ARIH1: variants seen among roughly 807,000 people sequenced by gnomAD.
ARIH1 encodes the protein E3 ubiquitin-protein ligase ARIH1.
ARIH1 carries 8 observed loss-of-function variants against 85.0 expected under a neutral mutation model. That is an observed-to-expected ratio of 0.09 (90% CI 0.06 to 0.17). The LOEUF (loss-of-function observed/expected upper bound fraction) is 0.17, where lower values mean the gene tolerates loss of function less well. Among genes scored for constraint, ARIH1 ranks in the 10% least tolerant of loss-of-function variants. The pLI is 1.00. For synonymous variants in ARIH1, 238 were observed against 253.6 expected, an observed-to-expected ratio of 0.94 and a Z score of 0.59; for missense variants, 311 against 718.1, an observed-to-expected ratio of 0.43 and a Z score of 6.48.
intron 1 of ARIH1, among the ~76,000 whole-genome samples, chr15:72,490,150 C>T (rs1230240769): frequency 6.6e-6 from 1 of 151,112 alleles, no homozygotes; most frequent in Non-Finnish European, 1.5e-5. Context: ...ATTGATAGAA[C>T]CAAGGAGTTT....
chr15:72,563,243 G>C, intron 6 of ARIH1, 151 bp from the exon 7 acceptor site: 1 of 596,648 alleles, frequency 1.7e-6, no homozygotes, highest in South Asian at 2.1e-5. Flanking sequence ...TTTTAAGGTA[G>C]AGACAAGGTC....
Position 72,592,668 on chromosome 15 carries a change from A to G in ARIH1, c.*9376A>G, listed in dbSNP as rs1451406547. 6.6e-6 allele frequency: 1 copy of G among 152,214 alleles called. No homozygotes were observed. Among genetic ancestry groups the G allele is most frequent in the Non-Finnish European group, 1.5e-5 (1 of 68,028 alleles). 9.4% of individuals were successfully genotyped at this position (152,214 alleles called of 1,614,324 possible). A position where few individuals can be genotyped will look rare whatever the true frequency, so the allele number is the denominator to read the frequency against. On this transcript the variant is annotated 3_prime_UTR_variant, in exon 14 of 14. Coordinates refer to ENST00000379887, the MANE Select transcript of ARIH1 (RefSeq NM_005744.5). ...GGATTACATATAAGTGGAATCATAT[A>G]ATAATGTACTCTTTTGCATCTGGCT...
chr15:72,503,641 A>G, intron 1 of ARIH1, among the ~76,000 whole-genome samples: 1 of 152,212 alleles, frequency 6.6e-6, no homozygotes, highest in East Asian at 1.9e-4. Flanking sequence ...ATACTGATTG[A>G]TCAAAGTCAA....
intron 3 of ARIH1, among the ~76,000 whole-genome samples, chr15:72,548,999 T>C (rs1018859294): frequency 7.2e-5 from 11 of 152,128 alleles, no homozygotes; most frequent in African/African-American, 2.7e-4. Flanking sequence ...TCCAACTTAA[T>C]GTTTTAGGTT....
At chr15:72,566,472 T>C in intron 7 of ARIH1, 91 bp from the exon 8 acceptor site, 1 of 1,027,672 alleles carries the variant, frequency 9.7e-7, no homozygotes. Flanking sequence ...GTGACAATAC[T>C]GTGGAACTAT....
At chr15:72,491,476 G>T (rs974410635) in intron 1 of ARIH1, among the ~76,000 whole-genome samples, 1 of 152,062 alleles carries the variant, frequency 6.6e-6, no homozygotes, top group African/African-American at 2.4e-5. Context: ...TTTGATCAGT[G>T]TATTAATTTT....
rs2064377950 is a variant in ARIH1 at position 72,600,286 on chromosome 15, A to C, written c.*16994A>C. ...TATGATTTGAATAATCTTGATAAGC[A>C]GGGTCACATTTGAGGAGATTTGCTA... On this transcript the variant is annotated 3_prime_UTR_variant, in exon 14 of 14. Coordinates refer to ENST00000379887, the MANE Select transcript of ARIH1 (RefSeq NM_005744.5). The C allele has an allele frequency of 6.6e-6, 1 of 152,208 alleles. No homozygotes were observed. The highest frequency in any genetic ancestry group is 6.5e-5 in the Admixed American group (1 of 15,278). The allele number at this position is 152,208 out of a possible 1,614,324, so 9.4% of individuals were successfully genotyped here.
intron 11 of ARIH1, among the ~76,000 whole-genome samples, chr15:72,578,779 CA>C (rs1315726053): frequency 6.6e-6 from 1 of 150,776 alleles, no homozygotes; most frequent in Non-Finnish European, 1.5e-5. Flanking sequence ...CAAATATCCC[CA>C]ATTATCTTAA....
Position 72,592,881 on chromosome 15 carries a change from G to A in ARIH1, c.*9589G>A, listed in dbSNP as rs1242333030. ...AGGATGCTATCGATATTCTTACACA[G>A]CCTTTTGTTTTTGTTTTTTGTGGAT... On this transcript the variant is annotated 3_prime_UTR_variant, in exon 14 of 14. Transcript: ENST00000379887. 6.6e-6 allele frequency: 1 copy of A among 152,094 alleles called. No homozygotes were observed. The highest frequency in any genetic ancestry group is 1.5e-5 in the Non-Finnish European group (1 of 67,998). 9.4% of individuals were successfully genotyped at this position (152,094 alleles called of 1,614,324 possible).
At chr15:72,506,767 C>A (rs2063927469) in intron 1 of ARIH1, among the ~76,000 whole-genome samples, 1 of 151,952 alleles carries the variant, frequency 6.6e-6, no homozygotes. Context: ...TCGTTCAGAT[C>A]AAATTCTGAA....
rs1241997944 is a variant in ARIH1, at chr15:72,516,660, GAGTA to G, written c.376-1403_376-1400del. On this transcript the variant is annotated intron_variant, in intron 1 of 13. Coordinates refer to ENST00000379887, the MANE Select transcript of ARIH1 (RefSeq NM_005744.5). ...CTAGATTAGCAAAATGTACTAAGGT[GAGTA>G]AGTGAGTGTCTGTATCTTTGGCTTT... 1.3e-5 allele frequency among the ~76,000 whole-genome samples: 2 copies of G among 152,200 alleles called. 1 individual carries two copies. The highest frequency in any genetic ancestry group is 2.9e-5 in the Non-Finnish European group (2 of 68,046).
chr15:72,550,381 A>G (rs1191872719), intron 3 of ARIH1, among the ~76,000 whole-genome samples: 1 of 152,222 alleles, frequency 6.6e-6, no homozygotes, highest in Non-Finnish European at 1.5e-5. Flanking sequence ...TCTGTTAAGG[A>G]TTCCTACTTG....
Position 72,572,121 on chromosome 15 carries a change from C to T in ARIH1, c.1171C>T (p.Arg391Cys). ...PHGSAWYNCNRYNEDDAKAAR... is the reference protein window; with the variant it reads ...PHGSAWYNCNCYNEDDAKAAR... Reference sequence around the variant, plus strand: ...ATTTACTTGAAGGTACAACTGTAACCGCTATAATGAGGATGATGCAAAGGC... The same window carrying T: ...ATTTACTTGAAGGTACAACTGTAACTGCTATAATGAGGATGATGCAAAGGC... Residue 391 changes from arginine to cysteine, a missense_variant, in exon 11 of 14, where the codon CGC (arginine) becomes TGC (cysteine). This residue lies in a region of ARIH1 where 50 missense variants were observed against 311.7 expected (regional missense o/e 0.16). Transcript: ENST00000379887. The T allele has an allele frequency of 6.2e-7, 1 of 1,606,828 alleles. No homozygotes were observed. The highest frequency in any genetic ancestry group is 8.5e-7 in the Non-Finnish European group (1 of 1,175,466).
intron 6 of ARIH1, 101 bp downstream of exon 6, chr15:72,561,650 CAT>C: frequency 2.7e-6 from 2 of 751,930 alleles, no homozygotes; most frequent in Non-Finnish European, 4.1e-6. Context: ...ACATCTTTAA[CAT>C]ATTTATGAAG....
Position 72,587,114 on chromosome 15 carries a change from G to A in ARIH1, c.*3822G>A, listed in dbSNP as rs1401499610. 6.7e-6 allele frequency: 3 copies of A among 446,782 alleles called. No individual in the cohort carries two copies. Among genetic ancestry groups the A allele is most frequent in the South Asian group, 3.3e-5 (2 of 61,142 alleles). The allele number at this position is 446,782 out of a possible 1,614,324, so 27.7% of individuals were successfully genotyped here. ...CCTCTTCAAAGCACTTCAACTTACT[G>A]TCTAAAACAAGTGGAGAAGAAATTG... is the stretch of plus-strand genomic sequence containing the variant. On this transcript the variant is annotated 3_prime_UTR_variant, in exon 14 of 14. Coordinates refer to ENST00000379887, the MANE Select transcript of ARIH1 (RefSeq NM_005744.5).
intron 2 of ARIH1, among the ~76,000 whole-genome samples, chr15:72,530,220 A>G (rs1343727945): frequency 6.6e-6 from 1 of 152,258 alleles, no homozygotes; most frequent in African/African-American, 2.4e-5. Flanking sequence ...TTGAAAAGTA[A>G]GATTATCAAA....
intron 5 of ARIH1, 136 bp from the exon 6 acceptor site, chr15:72,561,347 A>T (rs1254538091): frequency 2.2e-5 from 14 of 648,590 alleles, no homozygotes; most frequent in Non-Finnish European, 3.3e-5. Context: ...TTGATAGCCT[A>T]TGTGCATTTC....
At chr15:72,567,033 A>G (rs2064223878) in intron 8 of ARIH1, 73 bp from the exon 9 acceptor site, 1 of 1,101,526 alleles carries the variant, frequency 9.1e-7, no homozygotes, top group East Asian at 2.4e-5. Context: ...GCTTGACTAT[A>G]GTTAAGTGCT....
chr15:72,518,047 T>G lies in ARIH1; in HGVS notation c.376-20T>G, dbSNP rs559783065. 10 of 1,594,852 alleles carry G rather than the reference T, an allele frequency of 6.3e-6. No individual in the cohort carries two copies. The African/African-American group carries it at 1.2e-4, about 19-fold the overall frequency. The stretch of plus-strand genomic sequence containing the variant: ...AAGTGCTATTACCTTAAAATGACTT[T>G]TTTTCCCCTCCTTCTTTAGAATCCA... On this transcript the variant is annotated intron_variant, in intron 1 of 13. Coordinates refer to ENST00000379887, the MANE Select transcript of ARIH1 (RefSeq NM_005744.5).
Sources: allele counts gnomAD v4.1 joint callset (sites outside exome capture counted in the v4.1 genomes callset), GRCh38; gene constraint gnomAD v4.1.1; regional missense constraint gnomAD v4.1.1; transcripts MANE v1.5; gene names NCBI Gene and HGNC (gene_info 2026-07-23, HGNC 2026-07-21).